ASTN2: variants seen among roughly 807,000 people sequenced by gnomAD.
ASTN2 encodes the protein astrotactin-2.
In ASTN2, 54 loss-of-function variants were observed where a neutral mutation model predicts 139.8. That is an observed-to-expected ratio of 0.39 (90% confidence interval 0.31 to 0.48). ASTN2 has a LOEUF of 0.48. ASTN2 is among the 20% of genes least tolerant of loss of function. The pLI, the probability that ASTN2 is intolerant of heterozygous loss-of-function variation, is 0.95. For synonymous variants in ASTN2, 756 were observed against 719.5 expected (o/e 1.05, Z -0.81); for missense variants, 1,565 against 1,725.1 (o/e 0.91, Z 1.64).
intron 16 of ASTN2, chr9:116,697,697 T>C: frequency 6.2e-7 from 1 of 1,611,640 alleles, no homozygotes; most frequent in Non-Finnish European, 8.5e-7. Flanking sequence ...AATACTGTGC[T>C]GTTCAGTTCT....
chr9:116,632,890 T>C (rs575936412), intron 17 of ASTN2, among the ~76,000 whole-genome samples: 2 of 152,348 alleles, frequency 1.3e-5, no homozygotes, highest in African/African-American at 4.8e-5. Flanking sequence ...TATGAGTTAT[T>C]TGCCTTATTT....
At chr9:116,797,583 C>G (rs1174848298) in intron 13 of ASTN2, among the ~76,000 whole-genome samples, 1 of 152,188 alleles carries the variant, frequency 6.6e-6, no homozygotes, top group Non-Finnish European at 1.5e-5. Context: ...TTGCTAAGAG[C>G]TTGAATACTG....
intron 3 of ASTN2, among the ~76,000 whole-genome samples, chr9:117,151,677 G>A (rs1830329554): frequency 1.3e-5 from 2 of 152,080 alleles, no homozygotes; most frequent in Admixed American, 6.5e-5. Flanking sequence ...TGGAACTTGG[G>A]AAAGATGACA....
intron 3 of ASTN2, among the ~76,000 whole-genome samples, chr9:117,172,885 T>C (rs1285543083): frequency 6.6e-6 from 1 of 152,126 alleles, no homozygotes; most frequent in Non-Finnish European, 1.5e-5. Context: ...ATCCCACACT[T>C]TGGCCACCCC....
At chr9:116,687,517 G>GC (rs1248204066) in intron 16 of ASTN2, 2 of 146,782 alleles carry the variant, frequency 1.4e-5, no homozygotes, top group East Asian at 4.2e-4. Flanking sequence ...CCGGATCTGG[G>GC]GGGGGCAGGA....
chr9:116,625,039 A>C (rs1856372313), intron 17 of ASTN2, among the ~76,000 whole-genome samples: 1 of 152,188 alleles, frequency 6.6e-6, no homozygotes, highest in Admixed American at 6.5e-5. Context: ...CATGTTTGTG[A>C]TCCTCTTCTT....
intron 13 of ASTN2, among the ~76,000 whole-genome samples, chr9:116,767,088 A>T (rs985972291): frequency 6.6e-6 from 1 of 152,150 alleles, no homozygotes; most frequent in Non-Finnish European, 1.5e-5. Context: ...AAACACATAC[A>T]TTCATGCTCA....
chr9:117,359,291 TA>T (rs1400910819), intron 1 of ASTN2, among the ~76,000 whole-genome samples: 3 of 151,970 alleles, frequency 2.0e-5, no homozygotes, highest in Non-Finnish European at 4.4e-5. Flanking sequence ...GGAACAACAA[TA>T]AAAAAAGATT....
intron 19 of ASTN2, among the ~76,000 whole-genome samples, chr9:116,569,361 G>A (rs1351022661): frequency 1.3e-5 from 2 of 152,200 alleles, no homozygotes; most frequent in African/African-American, 2.4e-5. Context: ...AGTGCTTAAC[G>A]TAGTTCCTGG....
intron 19 of ASTN2, among the ~76,000 whole-genome samples, chr9:116,514,588 G>A (rs1048004605): frequency 2.6e-5 from 4 of 152,202 alleles, no homozygotes; most frequent in Non-Finnish European, 4.4e-5. Context: ...GTTAGGCTAT[G>A]CCCTGCCCCC....
intron 10 of ASTN2, among the ~76,000 whole-genome samples, chr9:116,875,095 T>C (rs921473175): frequency 6.6e-6 from 1 of 152,158 alleles, no homozygotes; most frequent in Non-Finnish European, 1.5e-5. Context: ...CATCTCTCAC[T>C]TTAAATCATA....
At chr9:117,337,018 C>A (rs955893415) in intron 1 of ASTN2, among the ~76,000 whole-genome samples, 2 of 152,124 alleles carry the variant, frequency 1.3e-5, no homozygotes, top group African/African-American at 4.8e-5. Flanking sequence ...CCTAACATTA[C>A]TTCTGGAAAG....
chr9:116,729,236 C>A (rs1224681838), intron 14 of ASTN2, 140 bp from the exon 15 acceptor site: 1 of 648,180 alleles, frequency 1.5e-6, no homozygotes, highest in South Asian at 1.9e-5. Flanking sequence ...ATTTTATGAA[C>A]CCCACCCTCC....
At chr9:116,547,982 T>G (rs1852174779) in intron 19 of ASTN2, among the ~76,000 whole-genome samples, 1 of 152,166 alleles carries the variant, frequency 6.6e-6, no homozygotes, top group African/African-American at 2.4e-5. Context: ...CCTGCCCACC[T>G]GTCTCCACTC....
At chr9:117,196,760 AAAAC>A (rs1588065177) in intron 3 of ASTN2, among the ~76,000 whole-genome samples, 1 of 152,196 alleles carries the variant, frequency 6.6e-6, no homozygotes, top group Admixed American at 6.5e-5. Flanking sequence ...CTGAGGGAAA[AAAAC>A]AAACAAAAGA....
intron 12 of ASTN2, among the ~76,000 whole-genome samples, chr9:116,817,550 G>A (rs1831366135): frequency 1.3e-5 from 2 of 152,122 alleles, no homozygotes; most frequent in African/African-American, 4.8e-5. Flanking sequence ...GCTTAACTTA[G>A]GAAGAGGAAC....
intron 4 of ASTN2, among the ~76,000 whole-genome samples, 175 bp downstream of exon 4, chr9:117,141,151 G>A (rs1830065049): frequency 1.3e-5 from 2 of 152,184 alleles, no homozygotes; most frequent in Non-Finnish European, 2.9e-5. Flanking sequence ...AGAGAGGTTA[G>A]CTCTGGGTGT....
At chr9:116,811,686 T>C (rs1228688994) in intron 12 of ASTN2, among the ~76,000 whole-genome samples, 2 of 152,240 alleles carry the variant, frequency 1.3e-5, no homozygotes, top group Non-Finnish European at 2.9e-5. Flanking sequence ...ATCATGGGGA[T>C]GTGAAAATTA....
At chr9:117,061,301 C>A (rs1027101638) in intron 5 of ASTN2, among the ~76,000 whole-genome samples, 1 of 146,248 alleles carries the variant, frequency 6.8e-6, no homozygotes, top group African/African-American at 2.5e-5. Context: ...TTCACTTTAC[C>A]ATTCTTATCC....
Sources: gnomAD v4.1 joint callset for allele counts (sites outside exome capture counted in the v4.1 genomes callset) on GRCh38, gnomAD v4.1.1 for gene constraint, MANE v1.5 for transcripts, NCBI Gene and HGNC (gene_info 2026-07-23, HGNC 2026-07-21) for gene names.